Variants in FAM174B observed in about 807,000 individuals in gnomAD.
FAM174B encodes membrane protein FAM174B.
In FAM174B, 12 loss-of-function variants were observed where a neutral mutation model predicts 10.9. The observed-to-expected ratio is 1.10, with a 90% confidence interval of 0.71 to 1.79. FAM174B has a LOEUF of 1.79. FAM174B is among the 40% of genes most tolerant of loss of function. FAM174B has a pLI of 0.00. For synonymous variants in FAM174B, 132 were observed against 115.8 expected (o/e 1.14, Z -0.90); for missense variants, 266 against 233.3 (o/e 1.14, Z -0.91).
At chr15:92,647,842 TAAC>T (rs1475322277) in intron 1 of FAM174B, among the ~76,000 whole-genome samples, 1 of 152,178 alleles carries the variant, frequency 6.6e-6, no homozygotes, top group African/African-American at 2.4e-5. Context: ...TAGGAGAGAT[TAAC>T]TAAAAGTCTG....
intron 2 of FAM174B, 91 bp downstream of exon 2, chr15:92,630,123 A>C: frequency 2.9e-6 from 4 of 1,392,694 alleles, no homozygotes; most frequent in Non-Finnish European, 4.0e-6. Context: ...TTCACTAAAA[A>C]ACAAGAACAC....
intron 2 of FAM174B, among the ~76,000 whole-genome samples, chr15:92,621,063 T>C (rs2050716265): frequency 6.6e-6 from 1 of 152,294 alleles, no homozygotes; most frequent in Admixed American, 6.5e-5. Context: ...TACTAGAAGA[T>C]GTAAACATCC....
intron 1 of FAM174B, among the ~76,000 whole-genome samples, chr15:92,636,821 C>T (rs1204396380): frequency 6.6e-6 from 1 of 152,226 alleles, no homozygotes; most frequent in Non-Finnish European, 1.5e-5. Flanking sequence ...CCACTCCACG[C>T]CTCACCGGAG....
At chr15:92,622,649 C>A (rs1386820169) in intron 2 of FAM174B, among the ~76,000 whole-genome samples, 3 of 152,258 alleles carry the variant, frequency 2.0e-5, no homozygotes, top group African/African-American at 7.2e-5. Flanking sequence ...CTGAAGATCC[C>A]TATGCTGGCT....
At chr15:92,637,417 T>A (rs2050863083) in intron 1 of FAM174B, among the ~76,000 whole-genome samples, 1 of 152,172 alleles carries the variant, frequency 6.6e-6, no homozygotes, top group Non-Finnish European at 1.5e-5. Flanking sequence ...ACTCTCTCTT[T>A]CACCAAAGCC....
chr15:92,621,845 C>G (rs1444026860), intron 2 of FAM174B, among the ~76,000 whole-genome samples: 1 of 152,030 alleles, frequency 6.6e-6, no homozygotes, highest in African/African-American at 2.4e-5. Flanking sequence ...GAGGAAGGGA[C>G]TAAGGACCCC....
rs888617492 is a variant in FAM174B, at chr15:92,655,600, G to T, written c.60C>A (p.Ala20=). The T allele has an allele frequency of 2.3e-6, 3 of 1,281,100 alleles. No homozygotes were observed. Among genetic ancestry groups the T allele is most frequent in the Non-Finnish European group, 3.0e-6 (3 of 1,016,630 alleles). 79.4% of individuals were successfully genotyped at this position (1,281,100 alleles called of 1,614,324 possible). ...LLPLLLLALL[A]APAARASRAE... is the part of the protein sequence containing the mutation. ...CTCTGCTGGCGCGGGCGGCGGGAGC[G>T]GCCAGGAGCGCGAGCAGCAGCAGCG... The change falls in exon 1 of 3, where the codon GCC becomes GCA. Residue 20 remains alanine, a synonymous_variant. Coordinates refer to ENST00000327355, the MANE Select transcript of FAM174B (RefSeq NM_207446.3).
chr15:92,644,441 TC>T lies in FAM174B; in HGVS notation c.344+10874del, dbSNP rs1288335491. On this transcript the variant is annotated intron_variant, in intron 1 of 2. Transcript: ENST00000327355. ...GTCACATGAGGCAAAAGCATTTTCC[TC>T]TAGTGCAGCAAGAGCCTCCAGATCT... 2.0e-5 allele frequency among the ~76,000 whole-genome samples: 3 copies of T among 152,090 alleles called. No homozygotes were observed. The East Asian group carries it at 5.8e-4, about 29-fold the overall frequency.
At chr15:92,636,977 C>T (rs560210130) in intron 1 of FAM174B, among the ~76,000 whole-genome samples, 45 of 152,356 alleles carry the variant, frequency 3.0e-4, no homozygotes, top group African/African-American at 1.1e-3. Flanking sequence ...CTGTGACTCC[C>T]TCAGGTGTGC....
chr15:92,639,686 C>T (rs185410140), intron 1 of FAM174B, among the ~76,000 whole-genome samples: 7 of 152,212 alleles, frequency 4.6e-5, no homozygotes, highest in East Asian at 1.9e-4. Flanking sequence ...ATCCTCTTCG[C>T]GCTGTTCTTA....
chr15:92,631,434 TATATTA>T (rs2050816023), intron 1 of FAM174B, among the ~76,000 whole-genome samples: 1 of 35,768 alleles, frequency 2.8e-5, no homozygotes, highest in Non-Finnish European at 4.5e-5. Context: ...TATAATATAA[TATATTA>T]TATATATAAC....
At chr15:92,633,533 G>C (rs528354699) in intron 1 of FAM174B, among the ~76,000 whole-genome samples, 1 of 151,988 alleles carries the variant, frequency 6.6e-6, no homozygotes, top group Admixed American at 6.6e-5. Context: ...AGCATTTTTC[G>C]TCTCTGCTTT....
intron 1 of FAM174B, among the ~76,000 whole-genome samples, chr15:92,639,709 G>T (rs1290027700): frequency 6.6e-6 from 1 of 152,040 alleles, no homozygotes; most frequent in Non-Finnish European, 1.5e-5. Context: ...ATAGTGAGTG[G>T]GTGAGTGCCT....
chr15:92,630,096 A>AT, intron 2 of FAM174B, 118 bp downstream of exon 2: 1 of 944,872 alleles, frequency 1.1e-6, no homozygotes, highest in Non-Finnish European at 1.6e-6. Context: ...CGTGCAGAAC[A>AT]CCCCAGGACC....
chr15:92,626,076 T>C (rs1248718969), intron 2 of FAM174B, among the ~76,000 whole-genome samples: 2 of 151,518 alleles, frequency 1.3e-5, no homozygotes, highest in African/African-American at 4.8e-5. Flanking sequence ...TCCACATTTA[T>C]CCTACAAGAA....
chr15:92,632,212 T>C (rs999447676), intron 1 of FAM174B, among the ~76,000 whole-genome samples: 3 of 152,276 alleles, frequency 2.0e-5, no homozygotes, highest in Admixed American at 6.5e-5. Flanking sequence ...AACACTACAG[T>C]GTTCTGGTTT....
At position 92,655,298 on chromosome 15, in the gene FAM174B, G is replaced by C. The variant is rs367642570; in HGVS notation, c.344+18C>G. 3.7e-4 allele frequency: 563 copies of C among 1,527,076 alleles called. No homozygotes were observed. The highest frequency in any genetic ancestry group is 1.5e-3 in the Admixed American group (77 of 51,298). The allele number at this position is 1,527,076 out of a possible 1,614,324, so 94.6% of individuals were successfully genotyped here. A position where few individuals can be genotyped will look rare whatever the true frequency, so the allele number is the denominator to read the frequency against. ...CCCTGTCGGCCGGCGGGGGAAGGAA[G>C]AGGGCGGGAGGGCCCACCTGAAGAC... On this transcript the variant is annotated intron_variant, in intron 1 of 2. Coordinates refer to ENST00000327355, the MANE Select transcript of FAM174B (RefSeq NM_207446.3).
At chr15:92,633,675 CA>C (rs1220123654) in intron 1 of FAM174B, among the ~76,000 whole-genome samples, 1 of 152,172 alleles carries the variant, frequency 6.6e-6, no homozygotes, top group Non-Finnish European at 1.5e-5. Flanking sequence ...ACCAAAGGGG[CA>C]CACTGCCAGT....
At chr15:92,655,236 G>T in intron 1 of FAM174B, 80 bp downstream of exon 1, 1 of 1,437,758 alleles carries the variant, frequency 7.0e-7, no homozygotes, top group East Asian at 3.0e-5. Context: ...GCGTGCAGGT[G>T]GGGCGGGCGC....
Sources: allele counts gnomAD v4.1 joint callset (sites outside exome capture counted in the v4.1 genomes callset), GRCh38; gene constraint gnomAD v4.1.1; transcripts MANE v1.5; gene names NCBI Gene and HGNC (gene_info 2026-07-23, HGNC 2026-07-21).